The following ZNF106 variants were observed in gnomAD, a reference collection of about 807,000 sequenced individuals.
The protein encoded by ZNF106 is zinc finger protein 106.
Under a neutral mutation model 195.1 loss-of-function variants are expected in ZNF106, and 67 were observed. The ratio of observed to expected loss-of-function variants is 0.34; its 90% CI spans 0.28 to 0.42. The LOEUF (loss-of-function observed/expected upper bound fraction) is 0.42. Among genes scored for constraint, ZNF106 ranks in the 10% least tolerant of loss-of-function variants. ZNF106 has a pLI of 1.00. For synonymous variants in ZNF106, 784 were observed against 818.6 expected, an observed-to-expected ratio of 0.96 and a Z score of 0.72; for missense variants, 2,118 against 2,304.5, an observed-to-expected ratio of 0.92 and a Z score of 1.66.
At chr15:42,447,471 G>A (rs1163417806) in intron 6 of ZNF106, among the ~76,000 whole-genome samples, 2 of 152,190 alleles carry the variant, frequency 1.3e-5, no homozygotes, top group African/African-American at 4.8e-5. Flanking sequence ...TTCAGAAAGG[G>A]ATACTGAGAG....
chr15:42,466,436 C>A (rs901682668), intron 2 of ZNF106, among the ~76,000 whole-genome samples: 70 of 151,998 alleles, frequency 4.6e-4, no homozygotes, highest in Admixed American at 4.0e-3. Context: ...AAAGAATTTA[C>A]TAAAGTTCAT....
At chr15:42,470,833 T>A (rs2056649467) in intron 2 of ZNF106, among the ~76,000 whole-genome samples, 1 of 152,216 alleles carries the variant, frequency 6.6e-6, no homozygotes, top group African/African-American at 2.4e-5. Flanking sequence ...ACAATTTGTA[T>A]AAACCTTCAT....
Position 42,422,686 on chromosome 15 carries a change from ATAATTC to A in ZNF106, c.5254-72_5254-67del, listed in dbSNP as rs1423798459. 111 of 1,520,282 alleles carry A rather than the reference ATAATTC, an allele frequency of 7.3e-5. No homozygotes were observed. The Admixed American group carries it at 2.5e-3, about 34-fold the overall frequency. The allele number at this position is 1,520,282 out of a possible 1,614,324, so 94.2% of individuals were successfully genotyped here. ...GAGACTCCTTCCTGGTTATAATTCT[ATAATTC>A]TAAGAGGCATAATTCTGAGGATACT... On this transcript the variant is annotated intron_variant, in intron 17 of 21. Transcript: ENST00000564754.
chr15:42,448,304 A>G lies in ZNF106; in HGVS notation c.2903T>C (p.Ile968Thr). The change falls in exon 6 of 22, where the codon ATA (isoleucine) becomes ACA (threonine). Residue 968 changes from isoleucine (I) to threonine (T), a missense_variant. Coordinates refer to ENST00000564754, the MANE Select transcript of ZNF106 (RefSeq NM_001366845.3). ...RHSAQLSSDH[I>T]IPLMHLAKDL... ...TTTTGCCAAATGCATCAAAGGTATT[A>G]TATGGTCAGAGGATAATTGTGCACT... 6.2e-7 allele frequency: 1 copy of G among 1,614,218 alleles called. No individual in the cohort carries two copies.
intron 20 of ZNF106, among the ~76,000 whole-genome samples, chr15:42,418,710 T>C (rs1172202292): frequency 6.6e-6 from 1 of 151,934 alleles, no homozygotes. Flanking sequence ...TTCTAAGAAC[T>C]GTTGAATGTA....
chr15:42,474,665 T>C (rs1407190564), intron 1 of ZNF106, among the ~76,000 whole-genome samples: 1 of 151,958 alleles, frequency 6.6e-6, no homozygotes, highest in Non-Finnish European at 1.5e-5. Flanking sequence ...CAAGGAGGAT[T>C]CCTTGAGCCC....
intron 3 of ZNF106, among the ~76,000 whole-genome samples, chr15:42,464,455 T>C (rs543014173): frequency 6.6e-6 from 1 of 151,896 alleles, no homozygotes; most frequent in Non-Finnish European, 1.5e-5. Flanking sequence ...AAACTTCAAA[T>C]TGACAGAAGT....
chr15:42,442,730 C>A (rs1223791207), intron 9 of ZNF106, among the ~76,000 whole-genome samples: 1 of 151,416 alleles, frequency 6.6e-6, no homozygotes, highest in African/African-American at 2.4e-5. Context: ...AATTCTCCTG[C>A]CTCAGCCTCC....
intron 2 of ZNF106, among the ~76,000 whole-genome samples, chr15:42,467,929 C>G (rs2056559502): frequency 6.6e-6 from 1 of 152,198 alleles, no homozygotes; most frequent in Non-Finnish European, 1.5e-5. Context: ...GCTTCAAACA[C>G]CATGTCACAC....
At chr15:42,477,212 G>C (rs1383439147) in intron 1 of ZNF106, among the ~76,000 whole-genome samples, 5 of 151,580 alleles carry the variant, frequency 3.3e-5, no homozygotes, top group Non-Finnish European at 7.4e-5. Context: ...ACATACATTG[G>C]GTTTATTTTG....
chr15:42,451,308 C>T lies in ZNF106; in HGVS notation c.964G>A (p.Glu322Lys). The change falls in exon 5 of 22, where the codon GAA (glutamate) becomes AAA (lysine). Residue 322 changes from glutamate to lysine, a missense_variant. Physicochemically the swap from Glu to Lys is moderately conservative, Grantham distance 56. Transcript: ENST00000564754. ...GTVATYRGPSEGFTSDKFPSE... is the reference protein window; with the variant it reads ...GTVATYRGPSKGFTSDKFPSE... ...GGAAATTTATCACTTGTAAATCCTT[C>T]AGAAGGACCTCTATATGTGGCAACT... 1 of 1,614,110 alleles carries T rather than the reference C, an allele frequency of 6.2e-7. No homozygotes were observed. Among genetic ancestry groups the T allele is most frequent in the Non-Finnish European group, 8.5e-7 (1 of 1,180,000 alleles).
At chr15:42,456,276 T>G (rs2056223636) in intron 4 of ZNF106, among the ~76,000 whole-genome samples, 1 of 152,208 alleles carries the variant, frequency 6.6e-6, no homozygotes, top group Non-Finnish European at 1.5e-5. Context: ...ACTATACGAT[T>G]TATACAATGA....
rs752408371 is a variant in ZNF106 at position 42,451,823 on chromosome 15, G to C, written c.449C>G (p.Pro150Arg). ...YSQPAWHHRG[P>R]PQRDWKWEKD... Reference sequence around the variant, plus strand: ...TTCCCATTTCCAATCCCGCTGTGGAGGTCCACGATGATGCCATGCAGGCTG... The same window carrying C: ...TTCCCATTTCCAATCCCGCTGTGGACGTCCACGATGATGCCATGCAGGCTG... The change falls in exon 5 of 22, where the codon CCT becomes CGT. Residue 150 changes from proline to arginine, a missense_variant. Transcript: ENST00000564754. The C allele has an allele frequency of 1.1e-5, 18 of 1,614,170 alleles. No homozygotes were observed. The highest frequency in any genetic ancestry group is 1.2e-5 in the Non-Finnish European group (14 of 1,180,026).
rs1022399445 is a variant in ZNF106, at chr15:42,491,090, C to T, written c.-143G>A. 5 of 152,242 alleles carry T rather than the reference C, an allele frequency of 3.3e-5. No individual in the cohort carries two copies. The highest frequency in any genetic ancestry group is 4.8e-5 in the African/African-American group (2 of 41,448). 9.4% of individuals were successfully genotyped at this position (152,242 alleles called of 1,614,324 possible). On this transcript the variant is annotated 5_prime_UTR_variant, in exon 1 of 22. Transcript: ENST00000564754. ...TTGGGTCCGGGAGCCTGCTCCGGAC[C>T]CGCTCCCCGCCGGGCCCCGCCACAG...
intron 1 of ZNF106, among the ~76,000 whole-genome samples, chr15:42,480,542 C>T (rs1249807656): frequency 6.6e-6 from 1 of 152,088 alleles, no homozygotes; most frequent in Non-Finnish European, 1.5e-5. Context: ...TTCAGTTATA[C>T]CTGTTTCTGT....
chr15:42,470,850 T>G (rs573601261), intron 2 of ZNF106, among the ~76,000 whole-genome samples: 15 of 152,314 alleles, frequency 9.8e-5, no homozygotes, highest in African/African-American at 3.4e-4. Flanking sequence ...TCATCAAATT[T>G]TTAAAACTAG....
intron 7 of ZNF106, among the ~76,000 whole-genome samples, 159 bp downstream of exon 7, chr15:42,446,430 G>T (rs1475463098): frequency 6.6e-6 from 1 of 151,986 alleles, no homozygotes; most frequent in East Asian, 1.9e-4. Flanking sequence ...AAAAATAAAA[G>T]AATTAATGTA....
At chr15:42,457,651 G>A (rs1368940501) in intron 3 of ZNF106, 5 of 533,736 alleles carry the variant, frequency 9.4e-6, no homozygotes, top group Non-Finnish European at 1.2e-5. Flanking sequence ...TAACTAAATC[G>A]GAACAGCTGG....
intron 4 of ZNF106, among the ~76,000 whole-genome samples, chr15:42,454,464 C>A (rs60816074): frequency 1.3e-5 from 2 of 151,832 alleles, no homozygotes; most frequent in Non-Finnish European, 2.9e-5. Flanking sequence ...AGTAGAATTC[C>A]TAGATCATCA....
Sources: allele counts gnomAD v4.1 joint callset (sites outside exome capture counted in the v4.1 genomes callset), GRCh38; gene constraint gnomAD v4.1.1; transcripts MANE v1.5; gene names NCBI Gene and HGNC (gene_info 2026-07-23, HGNC 2026-07-21).